The following FBXO25 variants were observed in gnomAD, a reference collection of about 807,000 sequenced individuals.
The protein encoded by FBXO25 is F-box protein 25.
In FBXO25, 45 loss-of-function variants were observed where a neutral mutation model predicts 51.9. That is an observed-to-expected ratio of 0.87 (90% CI 0.68 to 1.11). The LOEUF is 1.11. Among genes scored for constraint, FBXO25 ranks in the 50% most tolerant of loss-of-function variants. The pLI, the probability that FBXO25 is intolerant of heterozygous loss-of-function variation, is 0.00. For synonymous variants in FBXO25, 199 were observed against 151.0 expected (o/e 1.32, Z -2.33); for missense variants, 507 against 428.5 (o/e 1.18, Z -1.62).
At chr8:453,578 G>A (rs559751615) in intron 7 of FBXO25, among the ~76,000 whole-genome samples, 6 of 152,256 alleles carry the variant, frequency 3.9e-5, no homozygotes, top group Admixed American at 1.3e-4. Context: ...GGCTGCTTAA[G>A]GTAAAGACCT....
At position 468,726 on chromosome 8, in the gene FBXO25, C is replaced by T. The variant is rs531523555; in HGVS notation, c.999C>T (p.His333=). The change falls in exon 10 of 10, where the codon CAC becomes CAT. Residue 333 remains histidine, a synonymous_variant. Coordinates refer to ENST00000350302, the MANE Select transcript of FBXO25 (RefSeq NM_183420.2). ...CCACCTCCCCACAGGACTCAGGACA[C>T]CCCTGCACGGCGGCCGACCCTGACA... ...CSILFWKDSG[H]PCTAADPDSC... is the part of the protein sequence containing the mutation. The T allele has an allele frequency of 6.2e-7, 1 of 1,613,990 alleles. No homozygotes were observed. Among genetic ancestry groups the T allele is most frequent in the South Asian group, 1.1e-5 (1 of 91,064 alleles).
intron 9 of FBXO25, among the ~76,000 whole-genome samples, chr8:466,976 T>A (rs746345128): frequency 1.3e-5 from 2 of 152,122 alleles, no homozygotes; most frequent in South Asian, 4.2e-4. Context: ...TTATGTCCTG[T>A]TTTTTCTTGG....
chr8:435,691 T>A lies in FBXO25; in HGVS notation c.365T>A (p.Phe122Tyr), dbSNP rs758515533. 6.3e-6 allele frequency: 10 copies of A among 1,591,360 alleles called. No homozygotes were observed. Among genetic ancestry groups the A allele is most frequent in the Non-Finnish European group, 8.5e-6 (10 of 1,171,762 alleles). ...AGTGCAATTCAAGATATCCGAAGGT[T>A]CAATTATGTGGTCAAAGTAAGTGTT... ...FSSAIQDIRR[F>Y]NYVVKLLQLI... The change falls in exon 5 of 10, where the codon TTC (phenylalanine) becomes TAC (tyrosine). Residue 122 changes from phenylalanine (F) to tyrosine (Y), a missense_variant. Phe to Tyr is a conservative substitution (Grantham distance 22). Coordinates refer to ENST00000350302, the MANE Select transcript of FBXO25 (RefSeq NM_183420.2).
chr8:422,561 T>A (rs1797220760), intron 2 of FBXO25, among the ~76,000 whole-genome samples: 1 of 152,148 alleles, frequency 6.6e-6, no homozygotes, highest in African/African-American at 2.4e-5. Context: ...AGAGTTCCTC[T>A]TCTGGTGTTG....
intron 5 of FBXO25, among the ~76,000 whole-genome samples, chr8:437,676 A>G (rs1231199440): frequency 1.3e-5 from 2 of 151,476 alleles, no homozygotes; most frequent in Non-Finnish European, 2.9e-5. Context: ...CCCCATCCCA[A>G]TTCTTAACCT....
At chr8:409,482 A>T (rs1796365745) in intron 1 of FBXO25, among the ~76,000 whole-genome samples, 2 of 152,218 alleles carry the variant, frequency 1.3e-5, no homozygotes, top group African/African-American at 4.8e-5. Flanking sequence ...AAAATGAATT[A>T]TCTGTAGAGT....
At position 477,833 on chromosome 8, in the gene FBXO25, T is replaced by C. The variant is rs1800687898; in HGVS notation, c.*9029T>C. ...TTTACATCTTTTCACTATTTAAAAA[T>C]GTAAAAATCATTCTTAACATTTGGG... On this transcript the variant is annotated 3_prime_UTR_variant, in exon 10 of 10. Transcript: ENST00000350302. 6.6e-6 allele frequency: 1 copy of C among 152,252 alleles called. No homozygotes were observed. 9.4% of individuals were successfully genotyped at this position (152,252 alleles called of 1,614,324 possible).
chr8:425,662 G>A (rs1015973124), intron 2 of FBXO25, among the ~76,000 whole-genome samples: 4 of 151,720 alleles, frequency 2.6e-5, no homozygotes, highest in African/African-American at 7.3e-5. Flanking sequence ...GCCTGTGACA[G>A]TTACTTTTTT....
chr8:418,031 T>G (rs1796914525), intron 2 of FBXO25, among the ~76,000 whole-genome samples: 1 of 152,218 alleles, frequency 6.6e-6, no homozygotes, highest in Non-Finnish European at 1.5e-5. Flanking sequence ...TTCCCATTAA[T>G]TCACACTTCA....
chr8:429,942 G>C (rs185675310), intron 2 of FBXO25, among the ~76,000 whole-genome samples: 325 of 152,326 alleles, frequency 2.1e-3, no homozygotes, highest in African/African-American at 7.5e-3. Flanking sequence ...ATCTGAACCT[G>C]GCCCCACCAC....
In FBXO25 at chr8:474,953, C is replaced by G. The variant is rs1800599211; in HGVS notation, c.*6149C>G. ...CCCATTCCGTGGATTGCCTTTCACTCTGTTTTGTTCTTTGATGTACAGAAG... is the reference window on the plus strand; with the variant it reads ...CCCATTCCGTGGATTGCCTTTCACTGTGTTTTGTTCTTTGATGTACAGAAG... On this transcript the variant is annotated 3_prime_UTR_variant, in exon 10 of 10. Coordinates refer to ENST00000350302, the MANE Select transcript of FBXO25 (RefSeq NM_183420.2). 1.2e-5 allele frequency: 5 copies of G among 422,052 alleles called. No homozygotes were observed. Among genetic ancestry groups the G allele is most frequent in the South Asian group, 5.2e-5 (3 of 57,830 alleles). The allele number at this position is 422,052 out of a possible 1,614,324, so 26.1% of individuals were successfully genotyped here. A position where few individuals can be genotyped will look rare whatever the true frequency, so the allele number is the denominator to read the frequency against.
rs1798345764 is a variant in FBXO25 at position 440,265 on chromosome 8, A to T, written c.381+4558A>T. Among the ~76,000 whole-genome samples the T allele has an allele frequency of 2.6e-5, 4 of 152,252 alleles. No individual in the cohort carries two copies. In the South Asian group the frequency reaches 8.3e-4, roughly 31 times the overall value. On this transcript the variant is annotated intron_variant, in intron 5 of 9. Coordinates refer to ENST00000350302, the MANE Select transcript of FBXO25 (RefSeq NM_183420.2). ...CTCAGAGCACTGTTAGAAAGATTAG[A>T]TTAGTTCCATCATAGGAAGCTCTTG...
intron 6 of FBXO25, 65 bp downstream of exon 6, chr8:450,148 G>T (rs1798990351): frequency 8.2e-7 from 1 of 1,217,554 alleles, no homozygotes; most frequent in African/African-American, 1.5e-5. Flanking sequence ...AAGGAGATGG[G>T]ATTTTTCTTT....
intron 1 of FBXO25, among the ~76,000 whole-genome samples, chr8:411,830 G>T (rs1563058528): frequency 6.6e-6 from 1 of 152,162 alleles, no homozygotes; most frequent in East Asian, 1.9e-4. Context: ...TGAATCAGCA[G>T]TGTGAGCATC....
intron 5 of FBXO25, among the ~76,000 whole-genome samples, chr8:437,532 A>G (rs1290281326): frequency 6.6e-6 from 1 of 152,138 alleles, no homozygotes; most frequent in African/African-American, 2.4e-5. Context: ...CATTCTTCAC[A>G]AGTCCAGCAA....
At chr8:419,966 G>C (rs1797050587) in intron 2 of FBXO25, among the ~76,000 whole-genome samples, 1 of 152,132 alleles carries the variant, frequency 6.6e-6, no homozygotes, top group South Asian at 2.1e-4. Flanking sequence ...CGGTGAACCT[G>C]TACTTCACCA....
intron 3 of FBXO25, among the ~76,000 whole-genome samples, chr8:431,814 A>T (rs1193466295): frequency 3.3e-5 from 5 of 152,166 alleles, no homozygotes; most frequent in Admixed American, 1.3e-4. Context: ...GGAGTTTAGG[A>T]TGTTAGATGG....
At chr8:422,727 T>G (rs957280443) in intron 2 of FBXO25, among the ~76,000 whole-genome samples, 1 of 152,186 alleles carries the variant, frequency 6.6e-6, no homozygotes, top group African/African-American at 2.4e-5. Context: ...TCACGTAGTC[T>G]GACTGTGCTG....
rs755478579 is a variant in FBXO25 at position 451,449 on chromosome 8, C to G, written c.656C>G (p.Thr219Ser). ...CAACAGCTACAGGATCTTCAGATGA[C>G]TAAGGTATAAATATCTCGGCATAAG... ...WQQQLQDLQM[T>S]KQVNNGLTLS... The change falls in exon 7 of 10, where the codon ACT becomes AGT. Residue 219 changes from threonine (T) to serine (S), a missense_variant. Thr to Ser is a moderately conservative substitution (Grantham distance 58). Coordinates refer to ENST00000350302, the MANE Select transcript of FBXO25 (RefSeq NM_183420.2). 16 of 1,613,202 alleles carry G rather than the reference C, an allele frequency of 9.9e-6. No homozygotes were observed. Among genetic ancestry groups the G allele is most frequent in the Non-Finnish European group, 1.4e-5 (16 of 1,179,682 alleles).
Sources: allele counts gnomAD v4.1 joint callset (sites outside exome capture counted in the v4.1 genomes callset), GRCh38; gene constraint gnomAD v4.1.1; transcripts MANE v1.5; gene names NCBI Gene and HGNC (gene_info 2026-07-23, HGNC 2026-07-21).